The following PNPLA6 variants were observed in gnomAD, a reference collection of about 807,000 sequenced individuals.
PNPLA6 encodes patatin like domain 6, lysophospholipase, also known as patatin-like phospholipase domain-containing protein 6.
A neutral mutation model predicts 153.7 loss-of-function variants in PNPLA6; 105 were observed. The observed-to-expected ratio is 0.68, with a 90% CI of 0.58 to 0.80. The LOEUF is 0.80. Among genes scored for constraint, PNPLA6 ranks in the 30% least tolerant of loss-of-function variants. The pLI, the probability that PNPLA6 is intolerant of heterozygous loss-of-function variation, is 0.00. For missense variants in PNPLA6, 1,423 were observed against 1,919.3 expected (o/e 0.74, Z 4.83); for synonymous variants, 825 against 822.2 (o/e 1.00, Z -0.06).
rs770602956 is a variant in PNPLA6, at chr19:7,541,533, C to T, written c.1017C>T (p.Pro339=). The T allele has an allele frequency of 3.1e-6, 5 of 1,607,674 alleles. No individual in the cohort carries two copies. Among genetic ancestry groups the T allele is most frequent in the South Asian group, 2.2e-5 (2 of 90,168 alleles). ...TTCTCTGCCCCCAGGAGATCCAGCC[C>T]CTGCGTCTGTTCCCCAGCCCCGGCC... ...TNELFSHEIQ[P]LRLFPSPGLP... Residue 339 remains proline (P), a synonymous_variant, in exon 9 of 32, where the codon CCC becomes CCT. Transcript: ENST00000600737. This position sits in a 1 kb window ranked among gnomAD's most constrained non-coding sequence, Gnocchi z 5.2.
chr19:7,541,810 G>A lies in PNPLA6; in HGVS notation c.1168+126G>A. The A allele has an allele frequency of 5.0e-6, 6 of 1,191,778 alleles. No individual in the cohort carries two copies. The highest frequency in any genetic ancestry group is 5.1e-5 in the East Asian group (2 of 39,362). 73.8% of individuals were successfully genotyped at this position (1,191,778 alleles called of 1,614,324 possible). A position where few individuals can be genotyped will look rare whatever the true frequency, so the allele number is the denominator to read the frequency against. On this transcript the variant is annotated intron_variant, in intron 9 of 31. Coordinates refer to ENST00000600737, the MANE Select transcript of PNPLA6 (RefSeq NM_001166114.2). This position sits in a 1 kb window ranked among gnomAD's most constrained non-coding sequence, Gnocchi z 5.2. ...TCCAGCCCCACAGGGACTCCATAGC[G>A]GGGTACCCAGGTCTGACTCCTATCT...
intron 13 of PNPLA6, among the ~76,000 whole-genome samples, chr19:7,548,156 C>G (rs1285378307): frequency 6.6e-6 from 1 of 151,792 alleles, no homozygotes; most frequent in African/African-American, 2.4e-5. Flanking sequence ...ACCAGCCTGG[C>G]CAACATGGTG....
At chr19:7,550,930 C>T (rs928774450) in intron 16 of PNPLA6, 64 bp from the exon 17 acceptor site, 19 of 1,239,612 alleles carry the variant, frequency 1.5e-5, no homozygotes, top group Non-Finnish European at 2.2e-5. Context: ...AGCCCCCTTT[C>T]CACCCATCTT....
At chr19:7,535,571 T>TG (rs750174933), upstream of PNPLA6, 3 of 1,605,456 alleles carry the variant, frequency 1.9e-6, no homozygotes, top group Non-Finnish European at 2.6e-6. The surrounding 1 kb of genome is among the most constrained non-coding windows in gnomAD (Gnocchi z 5.0). Context: ...CGCTGCAAAC[T>TG]GGAATGGTAA....
At position 7,550,026 on chromosome 19, in the gene PNPLA6, G is replaced by T. The variant is rs781269044; in HGVS notation, c.1728G>T (p.Ala576=). The change falls in exon 14 of 32, where the codon GCG becomes GCT. Residue 576 remains alanine, a synonymous_variant. Coordinates refer to ENST00000600737, the MANE Select transcript of PNPLA6 (RefSeq NM_001166114.2). ...AQPGELVGQL[A]VLTGEPLIFT... ...CCGGGGAACTGGTGGGGCAGCTGGC[G>T]GTGCTCACTGGCGAACCTCTCATCT... 6.2e-7 allele frequency: 1 copy of T among 1,614,018 alleles called. No homozygotes were observed. The highest frequency in any genetic ancestry group is 2.2e-5 in the East Asian group (1 of 44,882).
intron 13 of PNPLA6, among the ~76,000 whole-genome samples, chr19:7,547,820 T>TAA (rs1568413528): frequency 1.2e-4 from 1 of 8,096 alleles, no homozygotes; most frequent in African/African-American, 8.3e-4. Flanking sequence ...AATTTTTTTT[T>TAA]TTTTTTTTTT....
chr19:7,549,809 TC>T, intron 13 of PNPLA6, 97 bp from the exon 14 acceptor site: 1 of 1,215,886 alleles, frequency 8.2e-7, no homozygotes, highest in East Asian at 2.4e-5. Flanking sequence ...TCTTAACCCT[TC>T]CTTTCTTCTT....
chr19:7,541,373 A>G lies in PNPLA6; in HGVS notation c.944A>G (p.Gln315Arg). The G allele has an allele frequency of 6.2e-7, 1 of 1,613,842 alleles. No homozygotes were observed. The highest frequency in any genetic ancestry group is 1.3e-5 in the African/African-American group (1 of 74,970). The change falls in exon 8 of 32, where the codon CAG (glutamine) becomes CGG (arginine). Residue 315 changes from glutamine to arginine, a missense_variant. Gln to Arg is a conservative substitution (Grantham distance 43). Coordinates refer to ENST00000600737, the MANE Select transcript of PNPLA6 (RefSeq NM_001166114.2). This position sits in a 1 kb window ranked among gnomAD's most constrained non-coding sequence, Gnocchi z 5.2. ...RVVQIIMVRL[Q>R]RVTFLALHNY... is the part of the protein sequence containing the mutation. ...CTGCAGATCATCATGGTGCGGCTGC[A>G]GCGAGTCACCTTCCTGGCACTGCAC...
Position 7,542,866 on chromosome 19 carries a change from C to T in PNPLA6, c.1468C>T (p.Arg490Cys), listed in dbSNP as rs1458269938. ...CTGCCCTTTCGGGCCCTACCAGGGC[C>T]GCCAGACCAGCAGCATCTTCGAGGC... ...GGCPFGPYQG[R>C]QTSSIFEAAK... The change falls in exon 12 of 32, where the codon CGC becomes TGC. Residue 490 changes from arginine (R) to cysteine (C), a missense_variant. Arg to Cys is a radical substitution (Grantham distance 180, BLOSUM62 -3). Transcript: ENST00000600737. 1.9e-6 allele frequency: 3 copies of T among 1,613,118 alleles called. No homozygotes were observed. The highest frequency in any genetic ancestry group is 1.1e-5 in the South Asian group (1 of 91,088).
At position 7,542,643 on chromosome 19, in the gene PNPLA6, C is replaced by CG. The variant is rs757691750; in HGVS notation, c.1341dup (p.Ser448ValfsTer15). On this transcript the variant is annotated frameshift_variant, in exon 11 of 32. Transcript: ENST00000600737. LOFTEE classifies it high-confidence loss of function. ...CCGTGTCCCTGCAGGAAGAGGCCTCCGGGGGGTCCCTGGCAGCCCCCGCTC... is the reference window on the plus strand; with the variant it reads ...CCGTGTCCCTGCAGGAAGAGGCCTCCGGGGGGGTCCCTGGCAGCCCCCGCTC... 3 of 1,612,978 alleles carry CG rather than the reference C, an allele frequency of 1.9e-6. No homozygotes were observed. The highest frequency in any genetic ancestry group is 8.5e-7 in the Non-Finnish European group (1 of 1,179,672).
intron 26 of PNPLA6, 129 bp downstream of exon 26, chr19:7,556,853 G>T: frequency 1.3e-6 from 1 of 769,658 alleles, no homozygotes; most frequent in South Asian, 1.4e-5. Flanking sequence ...CCCGATCACC[G>T]ACCACTAACC....
chr19:7,561,706 T>G lies in PNPLA6; in HGVS notation c.*144T>G, dbSNP rs1167804823. ...TGGACTGACCTGCCCTGAGCGGGGATGCAGTGTTGCACTGATGACTTGACC... is the reference window on the plus strand; with the variant it reads ...TGGACTGACCTGCCCTGAGCGGGGAGGCAGTGTTGCACTGATGACTTGACC... On this transcript the variant is annotated 3_prime_UTR_variant, in exon 32 of 32. Coordinates refer to ENST00000600737, the MANE Select transcript of PNPLA6 (RefSeq NM_001166114.2). The G allele has an allele frequency of 1.4e-6, 1 of 708,704 alleles. No individual in the cohort carries two copies. The highest frequency in any genetic ancestry group is 1.7e-5 in the African/African-American group (1 of 57,362). The allele number at this position is 708,704 out of a possible 1,614,324, so 43.9% of individuals were successfully genotyped here. A position where few individuals can be genotyped will look rare whatever the true frequency, so the allele number is the denominator to read the frequency against.
intron 3 of PNPLA6, among the ~76,000 whole-genome samples, chr19:7,539,465 C>T (rs973566305): frequency 7.2e-6 from 1 of 138,316 alleles, no homozygotes; most frequent in Non-Finnish European, 1.5e-5. Flanking sequence ...GGTAAAAGAG[C>T]GAGACTCCTG....
In PNPLA6 at chr19:7,541,173, G is replaced by T; in HGVS notation, c.924+122G>T. 1 of 1,277,834 alleles carries T rather than the reference G, an allele frequency of 7.8e-7. No homozygotes were observed. Among genetic ancestry groups the T allele is most frequent in the East Asian group, 2.5e-5 (1 of 39,818 alleles). The allele number at this position is 1,277,834 out of a possible 1,614,324, so 79.2% of individuals were successfully genotyped here. ...GCGCTGGAGCTGTGGTTATCGGCCT[G>T]GAGCAGCCAGATGTCTGCAGCCGCG... On this transcript the variant is annotated intron_variant, in intron 7 of 31. Transcript: ENST00000600737. The surrounding 1 kb of genome is among the most constrained non-coding windows in gnomAD (Gnocchi z 5.2).
chr19:7,549,348 G>A (rs1022243074), intron 13 of PNPLA6, among the ~76,000 whole-genome samples: 1 of 150,352 alleles, frequency 6.7e-6, no homozygotes, highest in Non-Finnish European at 1.5e-5. Flanking sequence ...CACCACACCC[G>A]GCTAATTTTT....
intron 16 of PNPLA6, 64 bp downstream of exon 16, chr19:7,550,704 C>T (rs2023605218): frequency 1.3e-6 from 2 of 1,584,458 alleles, no homozygotes; most frequent in South Asian, 2.3e-5. Flanking sequence ...ACAACTCACA[C>T]ACATCATCCC....
rs1448342888 is a variant in PNPLA6, at chr19:7,561,595, C to T, written c.*33C>T. The T allele has an allele frequency of 2.7e-6, 4 of 1,482,832 alleles. No homozygotes were observed. The highest frequency in any genetic ancestry group is 3.7e-6 in the Non-Finnish European group (4 of 1,089,858). 91.9% of individuals were successfully genotyped at this position (1,482,832 alleles called of 1,614,324 possible). On this transcript the variant is annotated 3_prime_UTR_variant, in exon 32 of 32. Transcript: ENST00000600737. ...GACAGGGGTCACCCCCTCCCTCCCA[C>T]CCCTGGACTGGGCTGGGGGTGGCCC...
Position 7,536,531 on chromosome 19 carries a change from T to G in PNPLA6, c.398T>G (p.Leu133Arg). 1.2e-6 allele frequency: 2 copies of G among 1,612,378 alleles called. No individual in the cohort carries two copies. Among genetic ancestry groups the G allele is most frequent in the Non-Finnish European group, 1.7e-6 (2 of 1,178,362 alleles). The stretch of plus-strand genomic sequence containing the variant: ...CGCATGAGGAAGAAACTGAAGATGC[T>G]CAACATTGCCAAGAAGTAAGGCTGT... ...RPRMRKKLKM[L>R]NIAKKILRIQ... is the part of the protein sequence containing the mutation. Residue 133 changes from leucine to arginine, a missense_variant, in exon 3 of 32, where the codon CTC (leucine) becomes CGC (arginine). By Grantham distance (102) the Leu-to-Arg change is moderately radical. Coordinates refer to ENST00000600737, the MANE Select transcript of PNPLA6 (RefSeq NM_001166114.2).
At chr19:7,554,304 G>C in intron 20 of PNPLA6, 32 bp downstream of exon 20, 1 of 1,587,230 alleles carries the variant, frequency 6.3e-7, no homozygotes, top group East Asian at 2.2e-5. Context: ...GGGGAGGGTG[G>C]TGGGTGGGCC....
Sources: allele counts gnomAD v4.1 joint callset (sites outside exome capture counted in the v4.1 genomes callset), GRCh38; gene constraint gnomAD v4.1.1; non-coding constraint Gnocchi (gnomAD v3.1); transcripts MANE v1.5; gene names NCBI Gene and HGNC (gene_info 2026-07-23, HGNC 2026-07-21).